C14orf39: variants seen among roughly 807,000 people sequenced by gnomAD.
C14orf39 encodes the protein protein SIX6OS1.
In C14orf39, 66 loss-of-function variants were observed where a neutral mutation model predicts 85.6. The observed-to-expected ratio is 0.77, with a 90% CI of 0.63 to 0.95. The LOEUF is 0.95. Among genes scored for constraint, C14orf39 ranks in the 40% least tolerant of loss-of-function variants. The pLI, the probability that C14orf39 is intolerant of heterozygous loss-of-function variation, is 0.00. For synonymous variants in C14orf39, 242 were observed against 214.0 expected, an observed-to-expected ratio of 1.13 and a Z score of -1.14; for missense variants, 735 against 663.9, an observed-to-expected ratio of 1.11 and a Z score of -1.18.
At chr14:60,438,718 T>A (rs917751097) in intron 17 of C14orf39, among the ~76,000 whole-genome samples, 3 of 151,770 alleles carry the variant, frequency 2.0e-5, no homozygotes, top group Non-Finnish European at 4.4e-5. Context: ...AAAAAGAAGA[T>A]TGAGGGGATA....
intron 5 of C14orf39, 56 bp downstream of exon 5, chr14:60,478,244 C>A (rs1483391423): frequency 4.1e-6 from 3 of 734,058 alleles, no homozygotes; most frequent in Non-Finnish European, 4.2e-6. Context: ...TTCTTACACA[C>A]CATGTCCTAA....
intron 7 of C14orf39, among the ~76,000 whole-genome samples, chr14:60,470,761 T>C (rs1202561621): frequency 6.6e-6 from 1 of 151,712 alleles, no homozygotes; most frequent in African/African-American, 2.4e-5. Context: ...CAAGGTAGGA[T>C]GTGGGGATAA....
intron 2 of C14orf39, among the ~76,000 whole-genome samples, chr14:60,492,996 A>AC (rs551427235): frequency 6.2e-4 from 95 of 152,210 alleles, no homozygotes; most frequent in African/African-American, 2.0e-3. Context: ...TAGAAAAAAA[A>AC]CTCAGATTTT....
intron 1 of C14orf39, among the ~76,000 whole-genome samples, chr14:60,500,874 CA>C (rs933354683): frequency 1.4e-5 from 2 of 147,226 alleles, no homozygotes; most frequent in African/African-American, 2.5e-5. Flanking sequence ...GGAAAACGAA[CA>C]AAAAAAAAGA....
At chr14:60,498,158 CATT>C (rs1893095289) in intron 2 of C14orf39, among the ~76,000 whole-genome samples, 1 of 152,146 alleles carries the variant, frequency 6.6e-6, no homozygotes, top group South Asian at 2.1e-4. Flanking sequence ...TTTCATATTT[CATT>C]TATAATTTCT....
intron 4 of C14orf39, among the ~76,000 whole-genome samples, chr14:60,483,022 G>A (rs958504): frequency 0.82 from 125,016 of 151,914 alleles, 53,047 homozygotes; most frequent in Non-Finnish European, 0.92. Flanking sequence ...AAAACTATTT[G>A]CACCATATAT....
At chr14:60,446,816 T>C (rs544654839) in intron 16 of C14orf39, among the ~76,000 whole-genome samples, 1 of 151,914 alleles carries the variant, frequency 6.6e-6, no homozygotes, top group African/African-American at 2.4e-5. Flanking sequence ...TACTGGCAAA[T>C]CCAATACAGC....
rs1482078642 is a variant in C14orf39, at chr14:60,461,428, T to C, written c.1059-16A>G. On this transcript the variant is annotated splice_polypyrimidine_tract_variant and intron_variant, in intron 12 of 17. Transcript: ENST00000321731. ...GGTTAACAATCTAAAATGGAATAAA[T>C]ATAATTTTTGTATTTTTTCTGAGTT... 1.3e-6 allele frequency: 2 copies of C among 1,598,274 alleles called. No homozygotes were observed. Among genetic ancestry groups the C allele is most frequent in the Admixed American group, 1.7e-5 (1 of 58,490 alleles).
At chr14:60,487,740 C>T (rs1430909166), upstream of C14orf39, among the ~76,000 whole-genome samples, 1 of 152,148 alleles carries the variant, frequency 6.6e-6, no homozygotes, top group African/African-American at 2.4e-5. Flanking sequence ...TTTGCATTCC[C>T]GCAAAGAGTG....
chr14:60,498,607 T>C (rs903910816), intron 2 of C14orf39, among the ~76,000 whole-genome samples: 2 of 152,250 alleles, frequency 1.3e-5, no homozygotes, highest in Admixed American at 6.5e-5. Flanking sequence ...TACTCTGTAA[T>C]ACAATGATGT....
chr14:60,492,552 T>C (rs931475720), intron 2 of C14orf39, among the ~76,000 whole-genome samples: 2 of 151,796 alleles, frequency 1.3e-5, no homozygotes, highest in African/African-American at 4.8e-5. Context: ...CACAAGTGGA[T>C]TGCTTGAGTT....
intron 5 of C14orf39, among the ~76,000 whole-genome samples, chr14:60,476,771 G>A (rs544957429): frequency 1.5e-4 from 23 of 152,274 alleles, no homozygotes; most frequent in Admixed American, 1.2e-3. Context: ...GGAGGTCACT[G>A]AAGCACACTG....
Position 60,483,710 on chromosome 14 carries a change from T to A in C14orf39, c.214A>T (p.Ile72Phe). ...ACTCACTTTCTACAGTTGTCTTTAA[T>A]CTCCTCACTATGTTTACAGTAATGA... ...IDHYCKHSEE[I>F]KDNCRNWKPT... Residue 72 changes from isoleucine to phenylalanine, a missense_variant, in exon 4 of 18, where the codon ATT becomes TTT. By Grantham distance (21) the Ile-to-Phe change is conservative. Transcript: ENST00000321731. 6.3e-7 allele frequency: 1 copy of A among 1,594,152 alleles called. No homozygotes were observed. The highest frequency in any genetic ancestry group is 8.5e-7 in the Non-Finnish European group (1 of 1,169,868).
At chr14:60,464,017 C>T (rs1054605326) in intron 11 of C14orf39, among the ~76,000 whole-genome samples, 1 of 152,118 alleles carries the variant, frequency 6.6e-6, no homozygotes, top group Non-Finnish European at 1.5e-5. Flanking sequence ...TGTTTCTCAA[C>T]CTCTCCTGCA....
chr14:60,445,415 C>G lies in C14orf39; in HGVS notation c.1504-3284G>C, dbSNP rs373604568. Reference sequence around the variant, plus strand: ...AGGAAAAAAACCAGGAGTTGCAATCCTAGTCTCTGATAAAACAGACTTTAA... The same window carrying G: ...AGGAAAAAAACCAGGAGTTGCAATCGTAGTCTCTGATAAAACAGACTTTAA... On this transcript the variant is annotated intron_variant, in intron 16 of 17. Transcript: ENST00000321731. Among the ~76,000 whole-genome samples the G allele has an allele frequency of 3.0e-4, 45 of 152,190 alleles. 1 individual carries two copies. The South Asian group carries it at 8.1e-3, about 27-fold the overall frequency.
Position 60,451,475 on chromosome 14 carries a change from T to C in C14orf39, c.1503+3526A>G, listed in dbSNP as rs147471962. Among the ~76,000 whole-genome samples the C allele has an allele frequency of 3.5e-3, 539 of 152,310 alleles. 4 individuals carry two copies. The highest frequency in any genetic ancestry group is 0.012 in the African/African-American group (497 of 41,562). Reference sequence around the variant, plus strand: ...AATTATAGACTGAATTAAGAAAATGTGGCACATATACATCATGGAATACTA... The same window carrying C: ...AATTATAGACTGAATTAAGAAAATGCGGCACATATACATCATGGAATACTA... On this transcript the variant is annotated intron_variant, in intron 16 of 17. Transcript: ENST00000321731.
intron 1 of C14orf39, chr14:60,509,399 A>C (rs750803770): frequency 3.8e-6 from 6 of 1,599,150 alleles, no homozygotes. Flanking sequence ...CACTGCCTCG[A>C]TGTTCCAGCT....
At chr14:60,474,673 T>A (rs75424817) in intron 5 of C14orf39, among the ~76,000 whole-genome samples, 3 of 151,714 alleles carry the variant, frequency 2.0e-5, no homozygotes, top group Admixed American at 2.0e-4. Flanking sequence ...TGGTTTTTGT[T>A]GTTGGTTCTG....
At chr14:60,451,658 T>C (rs1391161433) in intron 16 of C14orf39, among the ~76,000 whole-genome samples, 6 of 130,982 alleles carry the variant, frequency 4.6e-5, no homozygotes, top group Non-Finnish European at 3.1e-5. Context: ...GGACACAGGA[T>C]GGTGAACATC....
Sources: allele counts gnomAD v4.1 joint callset (sites outside exome capture counted in the v4.1 genomes callset), GRCh38; gene constraint gnomAD v4.1.1; transcripts MANE v1.5; gene names NCBI Gene and HGNC (gene_info 2026-07-23, HGNC 2026-07-21).